VIT: variants seen among roughly 807,000 people sequenced by gnomAD.
VIT encodes the protein vitrin.
Under a neutral mutation model 78.0 loss-of-function variants are expected in VIT, and 99 were observed. The observed-to-expected ratio is 1.27, with a 90% CI of 1.08 to 1.50. VIT has a LOEUF of 1.50. Ranked by LOEUF, VIT falls within the 40% of genes most tolerant of loss-of-function variation. VIT has a pLI of 0.00. For synonymous variants in VIT, 374 were observed against 334.3 expected (o/e 1.12, Z -1.29); for missense variants, 1,126 against 875.3 (o/e 1.29, Z -3.61).
At chr2:36,745,757 G>C in intron 4 of VIT, among the ~76,000 whole-genome samples, 1 of 151,878 alleles carries the variant, frequency 6.6e-6, no homozygotes, top group African/African-American at 2.4e-5. Flanking sequence ...TGAAGAGAGG[G>C]AGTTTGACTT....
At chr2:36,785,280 GTC>G (rs1476477863) in intron 11 of VIT, among the ~76,000 whole-genome samples, 1 of 152,122 alleles carries the variant, frequency 6.6e-6, no homozygotes, top group African/African-American at 2.4e-5. Flanking sequence ...TAAAATGCAC[GTC>G]TGTCTCTATA....
intron 5 of VIT, among the ~76,000 whole-genome samples, chr2:36,755,955 ATTTTT>A (rs58344336): frequency 1.8e-5 from 2 of 108,620 alleles, no homozygotes; most frequent in Admixed American, 1.1e-4. Context: ...ACAACACAGT[ATTTTT>A]TTTTTTTTTT....
At chr2:36,813,507 T>C (rs1667341076) in intron 15 of VIT, among the ~76,000 whole-genome samples, 1 of 152,158 alleles carries the variant, frequency 6.6e-6, no homozygotes, top group African/African-American at 2.4e-5. Context: ...ATGACTGCCC[T>C]GTAGCACCCA....
At chr2:36,713,617 A>G (rs1456104133) in intron 1 of VIT, among the ~76,000 whole-genome samples, 1 of 152,220 alleles carries the variant, frequency 6.6e-6, no homozygotes, top group Non-Finnish European at 1.5e-5. Context: ...GCAATAATCT[A>G]GGTGGGAGAG....
chr2:36,764,303 G>T (rs938165970), intron 6 of VIT, among the ~76,000 whole-genome samples: 6 of 152,140 alleles, frequency 3.9e-5, no homozygotes, highest in African/African-American at 9.7e-5. Context: ...TATACAAGTG[G>T]ATTTGTTAAA....
At chr2:36,807,698 C>T (rs923733412) in intron 14 of VIT, among the ~76,000 whole-genome samples, 4 of 152,174 alleles carry the variant, frequency 2.6e-5, no homozygotes, top group Non-Finnish European at 4.4e-5. Flanking sequence ...CTTCCGGGAG[C>T]GCAACAATCA....
chr2:36,795,292 T>A (rs2148653414), intron 12 of VIT, among the ~76,000 whole-genome samples: 1 of 152,104 alleles, frequency 6.6e-6, no homozygotes, highest in African/African-American at 2.4e-5. Context: ...AAGAATGGAG[T>A]CACCTGATGC....
chr2:36,744,397 C>T (rs933845621), intron 4 of VIT, among the ~76,000 whole-genome samples: 2 of 152,138 alleles, frequency 1.3e-5, no homozygotes, highest in Non-Finnish European at 2.9e-5. Context: ...GAGAAATCTC[C>T]AAACTGCTCT....
At chr2:36,804,453 C>T (rs569638395) in intron 13 of VIT, among the ~76,000 whole-genome samples, 18 of 152,316 alleles carry the variant, frequency 1.2e-4, no homozygotes, top group Admixed American at 5.9e-4. Context: ...AGGTCAACTC[C>T]TCCCACCCTA....
At chr2:36,793,807 G>C (rs1665669372) in intron 12 of VIT, among the ~76,000 whole-genome samples, 2 of 152,194 alleles carry the variant, frequency 1.3e-5, no homozygotes, top group African/African-American at 4.8e-5. Context: ...CATTCTGTGT[G>C]ACTCAGAGTG....
chr2:36,784,270 T>G (rs1215547485), intron 11 of VIT, among the ~76,000 whole-genome samples: 1 of 152,220 alleles, frequency 6.6e-6, no homozygotes, highest in Non-Finnish European at 1.5e-5. Context: ...ACAGTGAGGC[T>G]CAACCTTGCT....
At chr2:36,807,765 C>T (rs1255754831) in intron 14 of VIT, among the ~76,000 whole-genome samples, 1 of 152,138 alleles carries the variant, frequency 6.6e-6, no homozygotes, top group African/African-American at 2.4e-5. Context: ...AGCTTAGGCA[C>T]TGGTAAATAA....
intron 13 of VIT, 93 bp from the exon 14 acceptor site, chr2:36,805,345 G>T: frequency 5.9e-6 from 7 of 1,193,204 alleles, no homozygotes; most frequent in Non-Finnish European, 6.8e-6. Context: ...GGGAATGAGT[G>T]TATTTTTCTG....
chr2:36,699,312 C>A (rs1343026012), intron 1 of VIT, among the ~76,000 whole-genome samples: 2 of 151,424 alleles, frequency 1.3e-5, no homozygotes, highest in East Asian at 3.9e-4. Context: ...GTTCTATGCA[C>A]TGGGACCTCT....
intron 2 of VIT, among the ~76,000 whole-genome samples, chr2:36,720,557 C>T (rs955114236): frequency 6.6e-6 from 1 of 152,090 alleles, no homozygotes; most frequent in Admixed American, 6.6e-5. Context: ...GGATGTTATA[C>T]TAAGTGAAAT....
chr2:36,724,744 A>G (rs191497334), intron 2 of VIT, among the ~76,000 whole-genome samples: 167 of 152,344 alleles, frequency 1.1e-3, no homozygotes, highest in African/African-American at 3.6e-3. Flanking sequence ...GTCTTGGGCA[A>G]CCAAAAGCAA....
chr2:36,808,767 T>C lies in VIT; in HGVS notation c.1685T>C (p.Phe562Ser). 1 of 1,613,828 alleles carries C rather than the reference T, an allele frequency of 6.2e-7. No individual in the cohort carries two copies. The highest frequency in any genetic ancestry group is 2.2e-5 in the East Asian group (1 of 44,858). The change falls in exon 15 of 16, where the codon TTT becomes TCT. Residue 562 changes from phenylalanine (F) to serine (S), a missense_variant. By Grantham distance (155) the Phe-to-Ser change is radical (BLOSUM62 -2). Coordinates refer to ENST00000379242, the MANE Select transcript of VIT (RefSeq NM_053276.4). Reference sequence around the variant, plus strand: ...TACACCTACGAACAGCGGCTGGAGTTTGGGTTCGACAAGTACAGCAGCAAG... The same window carrying C: ...TACACCTACGAACAGCGGCTGGAGTCTGGGTTCGACAAGTACAGCAGCAAG... ...VQYTYEQRLEFGFDKYSSKPD... is the reference protein window; with the variant it reads ...VQYTYEQRLESGFDKYSSKPD...
intron 2 of VIT, among the ~76,000 whole-genome samples, chr2:36,721,464 G>C (rs1357463418): frequency 6.6e-6 from 1 of 151,960 alleles, no homozygotes; most frequent in Non-Finnish European, 1.5e-5. Context: ...TGCTGTGATG[G>C]CTTCCCTGCC....
intron 11 of VIT, 145 bp downstream of exon 11, chr2:36,783,547 G>A (rs1664902040): frequency 5.2e-6 from 4 of 765,670 alleles, no homozygotes; most frequent in Non-Finnish European, 6.3e-6. Context: ...TGTTCTAAGG[G>A]GAAAGGGAAG....
Sources: gnomAD v4.1 joint callset for allele counts (sites outside exome capture counted in the v4.1 genomes callset) on GRCh38, gnomAD v4.1.1 for gene constraint, MANE v1.5 for transcripts, NCBI Gene and HGNC (gene_info 2026-07-23, HGNC 2026-07-21) for gene names.